The following CCDC6 variants were observed in gnomAD, a reference collection of about 807,000 sequenced individuals.
The protein encoded by CCDC6 is coiled-coil domain containing 6.
CCDC6 carries 20 observed loss-of-function variants against 56.6 expected under a neutral mutation model. The observed-to-expected ratio is 0.35, with a 90% CI of 0.25 to 0.51. The LOEUF is 0.51. Ranked by LOEUF, CCDC6 falls within the 20% of genes least tolerant of loss-of-function variation. The pLI, the probability that CCDC6 is intolerant of heterozygous loss-of-function variation, is 0.95. For missense variants in CCDC6, 367 were observed against 601.1 expected (o/e 0.61, Z 4.07); for synonymous variants, 241 against 234.4 (o/e 1.03, Z -0.26).
At chr10:59,863,974 A>G (rs1053188132) in intron 1 of CCDC6, among the ~76,000 whole-genome samples, 4 of 152,230 alleles carry the variant, frequency 2.6e-5, no homozygotes, top group Non-Finnish European at 4.4e-5. Flanking sequence ...GGCACATTCC[A>G]ACTTATAAAT....
chr10:59,880,890 T>C (rs1434163302), intron 1 of CCDC6, among the ~76,000 whole-genome samples: 1 of 152,190 alleles, frequency 6.6e-6, no homozygotes, highest in Non-Finnish European at 1.5e-5. Flanking sequence ...AAACCACTGA[T>C]GTCCTGCTAT....
At chr10:59,834,149 C>T (rs1414579564) in intron 2 of CCDC6, among the ~76,000 whole-genome samples, 2 of 152,104 alleles carry the variant, frequency 1.3e-5, no homozygotes, top group Non-Finnish European at 2.9e-5. Flanking sequence ...CTGAGGCAAG[C>T]CTGATCATCC....
chr10:59,808,546 A>G (rs187199022), intron 5 of CCDC6, among the ~76,000 whole-genome samples: 249 of 152,318 alleles, frequency 1.6e-3, no homozygotes, highest in Middle Eastern at 3.4e-3. Context: ...GTCTTTGTCA[A>G]TGAACTTGGG....
At chr10:59,869,768 C>T (rs1457028298) in intron 1 of CCDC6, among the ~76,000 whole-genome samples, 2 of 152,146 alleles carry the variant, frequency 1.3e-5, no homozygotes, top group Non-Finnish European at 2.9e-5. Flanking sequence ...TCCCATCACA[C>T]TAAGAAATAG....
chr10:59,841,436 CTTATTGCTGGTACACAGAAA>C (rs1313176815), intron 2 of CCDC6, among the ~76,000 whole-genome samples: 1 of 152,148 alleles, frequency 6.6e-6, no homozygotes, highest in Admixed American at 6.5e-5. Context: ...CATTTAACTT[CTTATTGCTGGTACACAGAAA>C]TACAATTTTT....
chr10:59,859,681 G>A (rs1189674864), intron 1 of CCDC6, among the ~76,000 whole-genome samples: 1 of 152,142 alleles, frequency 6.6e-6, no homozygotes, highest in East Asian at 1.9e-4. Context: ...GAAGGAAAAT[G>A]AAAAGATTTA....
At chr10:59,898,481 C>A (rs1235618279) in intron 1 of CCDC6, among the ~76,000 whole-genome samples, 1 of 152,166 alleles carries the variant, frequency 6.6e-6, no homozygotes, top group Non-Finnish European at 1.5e-5. Context: ...TAAAATTCCC[C>A]TCCCTGGGAA....
intron 1 of CCDC6, among the ~76,000 whole-genome samples, chr10:59,905,850 C>T (rs1055648301): frequency 6.6e-6 from 1 of 152,198 alleles, no homozygotes; most frequent in Non-Finnish European, 1.5e-5. Context: ...GGGGCCTCCT[C>T]TCCAGAGGCT....
intron 3 of CCDC6, among the ~76,000 whole-genome samples, chr10:59,825,132 C>T (rs1053814661): frequency 6.6e-6 from 1 of 152,188 alleles, no homozygotes; most frequent in African/African-American, 2.4e-5. Flanking sequence ...AAGAGAAACA[C>T]CATTGATATG....
At chr10:59,876,073 C>CTTTTTTTTTTT (rs1172379933) in intron 1 of CCDC6, among the ~76,000 whole-genome samples, 10,927 of 97,236 alleles carry the variant, frequency 0.11, 3,166 homozygotes, top group African/African-American at 0.15. Flanking sequence ...GCACAGATGT[C>CTTTTTTTTTTT]TTTTTTTTTT....
chr10:59,795,919 T>C (rs1162672103), intron 7 of CCDC6, among the ~76,000 whole-genome samples: 3 of 152,138 alleles, frequency 2.0e-5, no homozygotes, highest in East Asian at 1.9e-4. Context: ...CTATTGTGAA[T>C]AGTGCCACAA....
At chr10:59,868,628 A>C (rs928743283) in intron 1 of CCDC6, among the ~76,000 whole-genome samples, 5 of 152,234 alleles carry the variant, frequency 3.3e-5, no homozygotes, top group African/African-American at 1.2e-4. Flanking sequence ...ATTTAACTTT[A>C]TTCTTCACGC....
At chr10:59,794,451 T>C (rs1166711226) in intron 8 of CCDC6, 22 bp downstream of exon 8, 1 of 1,613,534 alleles carries the variant, frequency 6.2e-7, no homozygotes, top group Admixed American at 1.7e-5. Context: ...AAAGTGCTGC[T>C]TCCTACCCCA....
chr10:59,866,148 G>A (rs1296314985), intron 1 of CCDC6, among the ~76,000 whole-genome samples: 3 of 152,298 alleles, frequency 2.0e-5, no homozygotes, highest in Admixed American at 2.0e-4. Flanking sequence ...GGGAAGCACC[G>A]TGTGGAATGT....
chr10:59,842,974 C>T (rs1272470525), intron 2 of CCDC6, among the ~76,000 whole-genome samples: 5 of 151,982 alleles, frequency 3.3e-5, no homozygotes, highest in Non-Finnish European at 5.9e-5. Flanking sequence ...AGGATGGTCT[C>T]GATCTCCCGA....
Position 59,806,976 on chromosome 10 carries a change from G to A in CCDC6, c.950C>T (p.Ala317Val), listed in dbSNP as rs2070630768. The change falls in exon 6 of 9, where the codon GCC (alanine) becomes GTC (valine). Residue 317 changes from alanine to valine, a missense_variant. Ala to Val is a moderately conservative substitution (Grantham distance 64, BLOSUM62 0). Coordinates refer to ENST00000263102, the MANE Select transcript of CCDC6 (RefSeq NM_005436.5). ...ACTCTCGGAGAGCTGTCGACAGAGG[G>A]CTTCTCTTCTCTCCATCTCCCTCTG... is the stretch of plus-strand genomic sequence containing the variant. ...KLQREMERRE[A>V]LCRQLSESES... 1 of 1,613,860 alleles carries A rather than the reference G, an allele frequency of 6.2e-7. No homozygotes were observed. The highest frequency in any genetic ancestry group is 8.5e-7 in the Non-Finnish European group (1 of 1,179,946).
chr10:59,883,311 G>A (rs2071359726), intron 1 of CCDC6, among the ~76,000 whole-genome samples: 1 of 152,158 alleles, frequency 6.6e-6, no homozygotes, highest in African/African-American at 2.4e-5. Context: ...AACAAGGAAA[G>A]GAAATAAACT....
chr10:59,816,569 A>G (rs777995228), intron 3 of CCDC6, among the ~76,000 whole-genome samples: 10 of 152,258 alleles, frequency 6.6e-5, no homozygotes, highest in Admixed American at 2.6e-4. Context: ...ATATAATTTT[A>G]CCATTTGCAA....
At chr10:59,807,192 A>T in intron 5 of CCDC6, 114 bp from the exon 6 acceptor site, 1 of 954,456 alleles carries the variant, frequency 1.0e-6, no homozygotes, top group Non-Finnish European at 1.5e-6. Context: ...TTGTTACAAG[A>T]TGGTCTTTCT....
Sources: gnomAD v4.1 joint callset for allele counts (sites outside exome capture counted in the v4.1 genomes callset) on GRCh38, gnomAD v4.1.1 for gene constraint, MANE v1.5 for transcripts, NCBI Gene and HGNC (gene_info 2026-07-23, HGNC 2026-07-21) for gene names.